SEL1L2: variants seen among roughly 807,000 people sequenced by gnomAD.
SEL1L2 encodes the protein SEL1L2 adaptor subunit of SYVN1 ubiquitin ligase, also known as protein sel-1 homolog 2.
A neutral mutation model predicts 98.8 loss-of-function variants in SEL1L2; 89 were observed. That is an observed-to-expected ratio of 0.90 (90% CI 0.76 to 1.07). The LOEUF is 1.07. SEL1L2 is among the 50% of genes least tolerant of loss of function. The probability of loss-of-function intolerance (pLI) is 0.00; values close to 1 mark genes in which losing one functional copy is unlikely to be tolerated. For synonymous variants in SEL1L2, 262 were observed against 278.5 expected (o/e 0.94, Z 0.59); for missense variants, 788 against 812.0 (o/e 0.97, Z 0.36).
intron 5 of SEL1L2, among the ~76,000 whole-genome samples, chr20:13,906,232 C>A (rs2047925404): frequency 6.6e-6 from 1 of 152,128 alleles, no homozygotes; most frequent in South Asian, 2.1e-4. Flanking sequence ...GGAACTGTTA[C>A]AGTAGCTGGG....
chr20:13,886,393 T>G lies in SEL1L2; in HGVS notation c.795A>C (p.Arg265Ser), dbSNP rs2147987437. ...TCAGATTTTCAGGTCTTTCCGTTAG[T>G]CTCACTTTTTCCACTGGAACACCTT... ...KSEGVPVEKV[R>S]LTERPENLSS... Residue 265 changes from arginine to serine, a missense_variant, in exon 9 of 20, where the codon AGA becomes AGC. Coordinates refer to ENST00000284951, the MANE Select transcript of SEL1L2 (RefSeq NM_025229.2). 6.2e-7 allele frequency: 1 copy of G among 1,613,974 alleles called. No homozygotes were observed. The highest frequency in any genetic ancestry group is 8.5e-7 in the Non-Finnish European group (1 of 1,179,906).
intron 4 of SEL1L2, 23 bp downstream of exon 4, chr20:13,918,998 A>G (rs1175470063): frequency 6.6e-7 from 1 of 1,509,842 alleles, no homozygotes; most frequent in Non-Finnish European, 9.1e-7. Flanking sequence ...CAACTTGGCT[A>G]AGGTCACTGG....
chr20:13,931,531 G>C, intron 3 of SEL1L2, 72 bp downstream of exon 3: 1 of 937,754 alleles, frequency 1.1e-6, no homozygotes, highest in Non-Finnish European at 1.5e-6. Context: ...TTCTCAGAAA[G>C]TAGCTCTAAA....
chr20:13,926,235 A>T (rs2048894319), intron 3 of SEL1L2, among the ~76,000 whole-genome samples: 1 of 152,230 alleles, frequency 6.6e-6, no homozygotes, highest in African/African-American at 2.4e-5. Flanking sequence ...GAATGGCGTG[A>T]ACCCTGGAGG....
chr20:13,916,525 G>A (rs933561294), intron 4 of SEL1L2, among the ~76,000 whole-genome samples: 1 of 152,198 alleles, frequency 6.6e-6, no homozygotes, highest in Non-Finnish European at 1.5e-5. Flanking sequence ...GGGTCAGGAG[G>A]CTGGGCGTGG....
At chr20:13,913,541 T>A (rs2048287077) in intron 5 of SEL1L2, 1 of 348,880 alleles carries the variant, frequency 2.9e-6, no homozygotes, top group South Asian at 1.5e-4. Flanking sequence ...CCTAAGATAA[T>A]AGACAGTTTC....
At chr20:13,977,771 CA>C (rs1281926688) in intron 1 of SEL1L2, among the ~76,000 whole-genome samples, 5 of 151,724 alleles carry the variant, frequency 3.3e-5, no homozygotes, top group Non-Finnish European at 7.4e-5. Context: ...TGAATAGATC[CA>C]AAAAGTAGTA....
intron 15 of SEL1L2, 102 bp from the exon 16 acceptor site, chr20:13,865,616 G>A (rs895777466): frequency 9.6e-7 from 1 of 1,045,706 alleles, no homozygotes; most frequent in African/African-American, 1.6e-5. Flanking sequence ...AGCTGGTCAG[G>A]GAAGGATTTT....
intron 1 of SEL1L2, among the ~76,000 whole-genome samples, chr20:13,982,508 CAAAA>C (rs10713892): frequency 3.0e-5 from 2 of 67,688 alleles, no homozygotes; most frequent in African/African-American, 6.0e-5. Flanking sequence ...GAGACTCTGC[CAAAA>C]AAAAAAAAAA....
At chr20:13,912,105 A>T (rs1018669297) in intron 5 of SEL1L2, among the ~76,000 whole-genome samples, 1 of 152,128 alleles carries the variant, frequency 6.6e-6, no homozygotes, top group African/African-American at 2.4e-5. Context: ...AGGATGCGGT[A>T]CCCAATGTTT....
rs6110080 is a variant in SEL1L2 at position 13,889,887 on chromosome 20, A to C, written c.550-1375T>G. On this transcript the variant is annotated intron_variant, in intron 5 of 19. Transcript: ENST00000284951. ...GATGTAAAATATTCAAACAATAACA[A>C]ATATACAGAATAAAAAAATCAAAGG... 9.5e-3 allele frequency among the ~76,000 whole-genome samples: 1,455 copies of C among 152,362 alleles called. 17 individuals carry two copies. Among genetic ancestry groups the C allele is most frequent in the African/African-American group, 0.033 (1,391 of 41,588 alleles).
At chr20:13,913,114 G>A (rs1288676119) in intron 5 of SEL1L2, among the ~76,000 whole-genome samples, 1 of 152,176 alleles carries the variant, frequency 6.6e-6, no homozygotes, top group Non-Finnish European at 1.5e-5. Context: ...TGGGGGGAAA[G>A]CTTTTAGAAA....
At chr20:13,961,220 A>G (rs1445558831) in intron 1 of SEL1L2, among the ~76,000 whole-genome samples, 2 of 152,322 alleles carry the variant, frequency 1.3e-5, no homozygotes, top group East Asian at 1.9e-4. Context: ...AACCTTACCA[A>G]AGGATTCACA....
chr20:13,938,926 A>G (rs2049589667), intron 2 of SEL1L2, among the ~76,000 whole-genome samples: 1 of 151,336 alleles, frequency 6.6e-6, no homozygotes, highest in East Asian at 1.9e-4. Context: ...ACCTCTGGCT[A>G]TTTAATTTGC....
intron 5 of SEL1L2, among the ~76,000 whole-genome samples, chr20:13,891,573 A>G (rs958817064): frequency 6.7e-6 from 1 of 150,234 alleles, no homozygotes; most frequent in African/African-American, 2.4e-5. Flanking sequence ...AGGCTGAGGC[A>G]GGAGAATCAC....
chr20:13,979,096 G>A (rs1224000805), intron 1 of SEL1L2, among the ~76,000 whole-genome samples: 4 of 151,984 alleles, frequency 2.6e-5, no homozygotes, highest in East Asian at 1.9e-4. Context: ...GAATGTAATC[G>A]TCATTTTTGC....
chr20:13,927,329 T>A (rs1418302901), intron 3 of SEL1L2, among the ~76,000 whole-genome samples: 1 of 152,232 alleles, frequency 6.6e-6, no homozygotes, highest in Non-Finnish European at 1.5e-5. Flanking sequence ...AGCAAATATT[T>A]CTTCATTCCA....
At chr20:13,969,829 A>G (rs1421035248) in intron 1 of SEL1L2, among the ~76,000 whole-genome samples, 2 of 152,198 alleles carry the variant, frequency 1.3e-5, no homozygotes, top group African/African-American at 4.8e-5. Flanking sequence ...TTCTTAATAC[A>G]TATCTGTTAA....
At chr20:13,928,636 A>G (rs2048997816) in intron 3 of SEL1L2, among the ~76,000 whole-genome samples, 1 of 152,210 alleles carries the variant, frequency 6.6e-6, no homozygotes, top group Admixed American at 6.5e-5. Flanking sequence ...AACTTCTCTA[A>G]CAAGAACATG....
Sources: gnomAD v4.1 joint callset for allele counts (sites outside exome capture counted in the v4.1 genomes callset) on GRCh38, gnomAD v4.1.1 for gene constraint, MANE v1.5 for transcripts, NCBI Gene and HGNC (gene_info 2026-07-23, HGNC 2026-07-21) for gene names.